The following CFDP1 variants were observed in gnomAD, a reference collection of about 807,000 sequenced individuals.
CFDP1 encodes the protein chromatin remodeling protein CFDP1.
In CFDP1, 31 loss-of-function variants were observed where a neutral mutation model predicts 40.1. The observed-to-expected ratio is 0.77, with a 90% CI of 0.58 to 1.04. The LOEUF is 1.04. Ranked by LOEUF, CFDP1 falls within the 50% of genes least tolerant of loss-of-function variation. The probability of loss-of-function intolerance (pLI) is 0.00; values close to 1 mark genes in which losing one functional copy is unlikely to be tolerated. For missense variants in CFDP1, 423 were observed against 343.4 expected (o/e 1.23, Z -1.83); for synonymous variants, 167 against 120.0 (o/e 1.39, Z -2.56).
intron 5 of CFDP1, among the ~76,000 whole-genome samples, chr16:75,388,827 G>GA (rs1376180873): frequency 1.3e-5 from 2 of 152,032 alleles, no homozygotes; most frequent in Non-Finnish European, 2.9e-5. Context: ...TCTTCAGGAT[G>GA]GTACTGTGAG....
At chr16:75,322,932 G>C (rs1189746548) in intron 5 of CFDP1, among the ~76,000 whole-genome samples, 2 of 152,156 alleles carry the variant, frequency 1.3e-5, no homozygotes, top group Admixed American at 1.3e-4. Flanking sequence ...CAGTGAGTGA[G>C]TGGTGAGTGA....
intron 1 of CFDP1, among the ~76,000 whole-genome samples, chr16:75,418,252 C>CAAAAAAAAAAAA (rs34789992): frequency 1.8e-5 from 1 of 57,010 alleles, no homozygotes; most frequent in East Asian, 7.9e-4. Context: ...AACTCTGTCT[C>CAAAAAAAAAAAA]AAAAAAAAAA....
intron 5 of CFDP1, among the ~76,000 whole-genome samples, chr16:75,318,543 C>CT (rs1338776585): frequency 6.6e-6 from 1 of 151,856 alleles, no homozygotes; most frequent in Non-Finnish European, 1.5e-5. Flanking sequence ...GCAGCTGGGA[C>CT]TACAGGTGCA....
intron 5 of CFDP1, among the ~76,000 whole-genome samples, chr16:75,338,775 C>A (rs1386058273): frequency 1.3e-5 from 2 of 152,014 alleles, no homozygotes; most frequent in Non-Finnish European, 2.9e-5. Flanking sequence ...CTTCATTTGC[C>A]TTTGATATCT....
rs141644128 is a variant in CFDP1, at chr16:75,335,378, C to T, written c.651-30196G>A. ...CAAAAAAGGACACACTGAAAAAAAT[C>T]TCCCACCCTTTTCCCTTCCCACCAA... On this transcript the variant is annotated intron_variant, in intron 5 of 6. Transcript: ENST00000283882. Among the ~76,000 whole-genome samples the T allele has an allele frequency of 8.1e-3, 1,240 of 152,254 alleles. 62 individuals are homozygous for T. The highest frequency in any genetic ancestry group is 0.06 in the Admixed American group (923 of 15,288).
At chr16:75,363,885 C>T (rs184133405) in intron 5 of CFDP1, among the ~76,000 whole-genome samples, 2 of 151,228 alleles carry the variant, frequency 1.3e-5, no homozygotes, top group Non-Finnish European at 2.9e-5. Context: ...GCGAGCAAAA[C>T]AGATTTGATT....
At chr16:75,351,141 T>G (rs1311108961) in intron 5 of CFDP1, among the ~76,000 whole-genome samples, 1 of 152,224 alleles carries the variant, frequency 6.6e-6, no homozygotes, top group East Asian at 1.9e-4. Flanking sequence ...TGTTTTGTTC[T>G]TAGGAAGGTA....
intron 4 of CFDP1, among the ~76,000 whole-genome samples, chr16:75,398,552 GCT>G (rs1196036188): frequency 6.6e-6 from 1 of 152,126 alleles, no homozygotes; most frequent in African/African-American, 2.4e-5. Context: ...CACCTGGCAT[GCT>G]CTGTCTGTCT....
chr16:75,308,079 G>A (rs1223572422), intron 5 of CFDP1, among the ~76,000 whole-genome samples: 2 of 152,204 alleles, frequency 1.3e-5, no homozygotes, highest in Non-Finnish European at 2.9e-5. Flanking sequence ...ATACGCATGA[G>A]GACTTTCCAT....
chr16:75,395,013 G>A (rs2078984321), intron 5 of CFDP1, 77 bp downstream of exon 5: 3 of 1,552,014 alleles, frequency 1.9e-6, no homozygotes, highest in Non-Finnish European at 2.6e-6. Context: ...AGTCTGATCT[G>A]CAGCGAAAGT....
At chr16:75,388,157 G>A (rs753415493) in intron 5 of CFDP1, among the ~76,000 whole-genome samples, 55 of 152,346 alleles carry the variant, frequency 3.6e-4, no homozygotes, top group Non-Finnish European at 7.2e-4. Flanking sequence ...AGTTAAGGAC[G>A]CCTCTCTGAA....
rs765245287 is a variant in CFDP1, at chr16:75,429,815, G to C, written c.64+3474C>G. Among the ~76,000 whole-genome samples the C allele has an allele frequency of 5.1e-4, 78 of 152,204 alleles. 1 individual carries two copies. The highest frequency in any genetic ancestry group is 8.2e-4 in the Non-Finnish European group (56 of 68,050). ...ATTCTAAAAGTTTAGAGTCAAATTA[G>C]CAGTGTCGACGAAAAGAGTCAAACT... is the stretch of plus-strand genomic sequence containing the variant. On this transcript the variant is annotated intron_variant, in intron 1 of 6. Transcript: ENST00000283882.
At chr16:75,322,008 T>G (rs2078367348) in intron 5 of CFDP1, 1 of 152,246 alleles carries the variant, frequency 6.6e-6, no homozygotes. Flanking sequence ...GTAATTTTAG[T>G]AGAGACGGGG....
chr16:75,407,406 G>C (rs1428020332), intron 4 of CFDP1, among the ~76,000 whole-genome samples: 3 of 152,108 alleles, frequency 2.0e-5, no homozygotes, highest in African/African-American at 2.4e-5. Context: ...GCTGGGTGTG[G>C]TGGCTCATAC....
chr16:75,347,390 GA>G (rs1034784588), intron 5 of CFDP1, among the ~76,000 whole-genome samples: 12 of 105,758 alleles, frequency 1.1e-4, no homozygotes, highest in Non-Finnish European at 1.5e-4. Context: ...AAAGAAAAAA[GA>G]AAAAAAAAGC....
intron 4 of CFDP1, among the ~76,000 whole-genome samples, chr16:75,397,162 C>T (rs1045682785): frequency 2.6e-4 from 40 of 151,784 alleles, no homozygotes; most frequent in African/African-American, 8.9e-4. Flanking sequence ...GATCTGCCCG[C>T]CTTGGCCTCC....
intron 5 of CFDP1, among the ~76,000 whole-genome samples, chr16:75,383,066 T>C (rs2078864996): frequency 6.6e-6 from 1 of 152,240 alleles, no homozygotes; most frequent in South Asian, 2.1e-4. Flanking sequence ...AGATGAATGT[T>C]TGATTAGAAT....
chr16:75,386,692 T>C (rs2078900835), intron 5 of CFDP1, among the ~76,000 whole-genome samples: 1 of 152,162 alleles, frequency 6.6e-6, no homozygotes, highest in African/African-American at 2.4e-5. Context: ...GACACTGCAC[T>C]CCAGCCTGGG....
chr16:75,294,655 C>T (rs1158142323), intron 6 of CFDP1, among the ~76,000 whole-genome samples: 1 of 152,208 alleles, frequency 6.6e-6, no homozygotes. Context: ...TTCCCCTCAT[C>T]CTTTTCTCCT....
Sources: allele counts gnomAD v4.1 joint callset (sites outside exome capture counted in the v4.1 genomes callset), GRCh38; gene constraint gnomAD v4.1.1; transcripts MANE v1.5; gene names NCBI Gene and HGNC (gene_info 2026-07-23, HGNC 2026-07-21).